Variants in SAMD3 observed in about 807,000 individuals in gnomAD.
SAMD3 encodes sterile alpha motif domain containing 3, also known as sterile alpha motif domain-containing protein 3.
A neutral mutation model predicts 58.5 loss-of-function variants in SAMD3; 63 were observed. The ratio of observed to expected loss-of-function variants is 1.08; its 90% CI spans 0.88 to 1.33. SAMD3 has a LOEUF of 1.33. Among genes scored for constraint, SAMD3 ranks in the 40% most tolerant of loss-of-function variants. The pLI is 0.00. For missense variants in SAMD3, 604 were observed against 608.4 expected (o/e 0.99, Z 0.08); for synonymous variants, 220 against 210.3 (o/e 1.05, Z -0.40).
At chr6:130,244,743 AAAAATAAAAATAAAAAT>A (rs1307051811) in intron 2 of SAMD3, among the ~76,000 whole-genome samples, 3 of 49,746 alleles carry the variant, frequency 6.0e-5, no homozygotes, top group African/African-American at 3.2e-4. Flanking sequence ...GTCTCAAAAA[AAAAATAAAAATAAAAAT>A]AAAAATAAAA....
intron 9 of SAMD3, 27 bp from the exon 10 acceptor site, chr6:130,146,208 C>T (rs189568005): frequency 1.4e-6 from 2 of 1,440,542 alleles, no homozygotes; most frequent in Non-Finnish European, 9.3e-7. Context: ...GCAATGGATA[C>T]ATCAGATCAC....
intron 4 of SAMD3, among the ~76,000 whole-genome samples, chr6:130,213,540 T>A (rs933445755): frequency 6.6e-6 from 1 of 152,084 alleles, no homozygotes; most frequent in Non-Finnish European, 1.5e-5. Context: ...ATTTTATCAA[T>A]CATCAAAATC....
intron 2 of SAMD3, among the ~76,000 whole-genome samples, chr6:130,263,525 C>T (rs1472757256): frequency 6.6e-6 from 1 of 152,122 alleles, no homozygotes; most frequent in East Asian, 1.9e-4. Flanking sequence ...AAGCGCCACC[C>T]CCTCCAGAGT....
intron 2 of SAMD3, among the ~76,000 whole-genome samples, chr6:130,270,235 G>T (rs1774510970): frequency 6.6e-6 from 1 of 152,152 alleles, no homozygotes; most frequent in South Asian, 2.1e-4. Flanking sequence ...GGGACTACAG[G>T]TGTGTGCCAC....
rs1209510409 is a variant in SAMD3, at chr6:130,244,779, AAAAAT to A, written c.-187-21971_-187-21967del. 2.4e-3 allele frequency among the ~76,000 whole-genome samples: 359 copies of A among 151,054 alleles called. 1 individual carries two copies. Among genetic ancestry groups the A allele is most frequent in the African/African-American group, 8.5e-3 (346 of 40,762 alleles). On this transcript the variant is annotated intron_variant, in intron 2 of 13. Transcript: ENST00000368134. ...TAAAAATAAAAATAAAAATAAAAAT[AAAAAT>A]AAAGCACAATAGTGTGCAGATGCCA...
intron 2 of SAMD3, among the ~76,000 whole-genome samples, chr6:130,308,013 C>T (rs7449502): frequency 6.6e-6 from 1 of 152,142 alleles, no homozygotes; most frequent in South Asian, 2.1e-4. Flanking sequence ...ATATTTTAAA[C>T]TTAAGTTTTT....
Position 130,146,144 on chromosome 6 carries a change from A to G in SAMD3, c.1061T>C (p.Ile354Thr). Residue 354 changes from isoleucine to threonine, a missense_variant, in exon 10 of 12, where the codon ATT (isoleucine) becomes ACT (threonine). Ile to Thr is a moderately conservative substitution (Grantham distance 89). Coordinates refer to ENST00000439090, the MANE Select transcript of SAMD3 (RefSeq NM_001017373.4). ...CAAAATGTGCCTTGTTTTCTTATAA[A>G]TATCTGTTCTTGTAAGAAGTTGGAA... The part of the protein sequence containing the change: ...REFQLLTRTD[I>T]YKKTRHILES... 6.3e-7 allele frequency: 1 copy of G among 1,596,278 alleles called. No individual in the cohort carries two copies. Among genetic ancestry groups the G allele is most frequent in the Non-Finnish European group, 8.5e-7 (1 of 1,172,408 alleles).
At chr6:130,327,760 G>A (rs1039374548) in intron 1 of SAMD3, among the ~76,000 whole-genome samples, 1 of 152,112 alleles carries the variant, frequency 6.6e-6, no homozygotes, top group Non-Finnish European at 1.5e-5. Context: ...CTAAATGTAA[G>A]ATACTTTTTA....
chr6:130,318,813 C>A (rs74893789), intron 1 of SAMD3, among the ~76,000 whole-genome samples: 4,781 of 152,030 alleles, frequency 0.031, 251 homozygotes, highest in African/African-American at 0.11. Flanking sequence ...TGAAATTAGC[C>A]CAGAAATTAC....
chr6:130,150,839 G>A (rs1379226580), intron 9 of SAMD3, among the ~76,000 whole-genome samples: 2 of 151,832 alleles, frequency 1.3e-5, no homozygotes, highest in East Asian at 1.9e-4. Context: ...AGCCTCCTGA[G>A]TAGCTGGGAT....
chr6:130,176,968 G>T (rs1791785765), intron 7 of SAMD3, among the ~76,000 whole-genome samples: 1 of 152,142 alleles, frequency 6.6e-6, no homozygotes, highest in Admixed American at 6.5e-5. Flanking sequence ...CCCCATTAAG[G>T]AACCTCAATG....
chr6:130,292,272 T>TC (rs911716985), intron 2 of SAMD3, among the ~76,000 whole-genome samples: 8 of 132,732 alleles, frequency 6.0e-5, no homozygotes, highest in African/African-American at 2.6e-4. Context: ...TCTTTCTTTC[T>TC]TTTTTTTTTT....
chr6:130,218,577 G>A (rs1369307068), intron 1 of SAMD3, among the ~76,000 whole-genome samples: 1 of 152,210 alleles, frequency 6.6e-6, no homozygotes, highest in Non-Finnish European at 1.5e-5. Flanking sequence ...TGGGGTGGAT[G>A]ATGATATACT....
intron 1 of SAMD3, among the ~76,000 whole-genome samples, chr6:130,315,794 C>T (rs778834063): frequency 9.2e-4 from 139 of 151,908 alleles, no homozygotes; most frequent in Non-Finnish European, 1.7e-3. Flanking sequence ...AACAGTAATA[C>T]ATCACGTGAA....
At chr6:130,154,047 A>G (rs1308940250) in intron 9 of SAMD3, among the ~76,000 whole-genome samples, 2 of 152,030 alleles carry the variant, frequency 1.3e-5, no homozygotes, top group African/African-American at 2.4e-5. Context: ...ATTTTTACTA[A>G]GGATGCATAA....
chr6:130,214,576 CAG>C, intron 3 of SAMD3, 50 bp from the exon 4 acceptor site: 1 of 1,452,394 alleles, frequency 6.9e-7, no homozygotes, highest in Non-Finnish European at 9.2e-7. Context: ...CGGCAAAACA[CAG>C]GCATTCTGAA....
At chr6:130,216,032 T>C (rs1049974061) in intron 2 of SAMD3, 2 of 412,364 alleles carry the variant, frequency 4.9e-6, no homozygotes, top group African/African-American at 4.0e-5. Flanking sequence ...TTTTACTTAA[T>C]TGGGCAGATT....
chr6:130,232,462 A>T (rs1796574114), intron 2 of SAMD3, among the ~76,000 whole-genome samples: 1 of 152,160 alleles, frequency 6.6e-6, no homozygotes, highest in Non-Finnish European at 1.5e-5. Flanking sequence ...TGCACCCAAG[A>T]TCTGTCAGGA....
chr6:130,192,542 G>A lies in SAMD3; in HGVS notation c.384-7919C>T, dbSNP rs1793646235. 4.6e-5 allele frequency among the ~76,000 whole-genome samples: 7 copies of A among 150,568 alleles called. No homozygotes were observed. In the South Asian group the frequency reaches 1.5e-3, roughly 32 times the overall value. On this transcript the variant is annotated intron_variant, in intron 5 of 11. Transcript: ENST00000439090. ...GTGACCCCCACTCCTGCCCACCAGA[G>A]AACAACCCCCCTTTTTCCTTTACCT...
Sources: allele counts gnomAD v4.1 joint callset (sites outside exome capture counted in the v4.1 genomes callset), GRCh38; gene constraint gnomAD v4.1.1; transcripts MANE v1.5; gene names NCBI Gene and HGNC (gene_info 2026-07-23, HGNC 2026-07-21).